Variants in WWOX observed in about 807,000 individuals in gnomAD.
WWOX encodes the protein WW domain-containing oxidoreductase.
In WWOX, 69 loss-of-function variants were observed where a neutral mutation model predicts 46.2. The ratio of observed to expected loss-of-function variants is 1.49; its 90% CI spans 1.23 to 1.82. The LOEUF (loss-of-function observed/expected upper bound fraction) is 1.82. Among genes scored for constraint, WWOX ranks in the 40% most tolerant of loss-of-function variants. WWOX has a pLI of 0.00. For synonymous variants in WWOX, 359 were observed against 202.6 expected, an observed-to-expected ratio of 1.77 and a Z score of -6.56; for missense variants, 919 against 542.6, an observed-to-expected ratio of 1.69 and a Z score of -6.89.
intron 8 of WWOX, among the ~76,000 whole-genome samples, chr16:78,814,662 A>C (rs1436509134): frequency 6.6e-6 from 1 of 152,192 alleles, no homozygotes; most frequent in Admixed American, 6.5e-5. Flanking sequence ...GACCTGGGAG[A>C]AACCAGCGTG....
At chr16:78,613,290 A>C (rs919518178) in intron 8 of WWOX, among the ~76,000 whole-genome samples, 1 of 152,098 alleles carries the variant, frequency 6.6e-6, no homozygotes, top group African/African-American at 2.4e-5. Context: ...TTTCAGAAAC[A>C]TGAGCGTATG....
intron 4 of WWOX, among the ~76,000 whole-genome samples, chr16:78,139,859 A>T (rs2033924436): frequency 6.6e-6 from 1 of 152,204 alleles, no homozygotes; most frequent in African/African-American, 2.4e-5. Flanking sequence ...TCATTACTAG[A>T]GGCAACTAGT....
At chr16:78,698,340 G>T (rs1024227887) in intron 8 of WWOX, among the ~76,000 whole-genome samples, 2 of 152,150 alleles carry the variant, frequency 1.3e-5, no homozygotes, top group African/African-American at 4.8e-5. Flanking sequence ...GATGGTTAAT[G>T]GGATTTTTGG....
chr16:78,659,479 A>T (rs913955571), intron 8 of WWOX, among the ~76,000 whole-genome samples: 3 of 152,106 alleles, frequency 2.0e-5, no homozygotes, highest in African/African-American at 4.8e-5. Flanking sequence ...ATCTAGTTTT[A>T]GCCCTCCAGG....
intron 8 of WWOX, among the ~76,000 whole-genome samples, chr16:78,841,663 A>C (rs987087033): frequency 6.6e-6 from 1 of 152,246 alleles, no homozygotes; most frequent in African/African-American, 2.4e-5. Context: ...TCTTGAATCC[A>C]AACCTATAAG....
chr16:78,671,942 G>A (rs149944182), intron 8 of WWOX, among the ~76,000 whole-genome samples: 1 of 152,066 alleles, frequency 6.6e-6, no homozygotes, highest in African/African-American at 2.4e-5. Context: ...TTAGGATTTG[G>A]CCTTCAACTG....
intron 8 of WWOX, among the ~76,000 whole-genome samples, chr16:79,027,300 A>C (rs1456707134): frequency 6.7e-6 from 1 of 149,410 alleles, no homozygotes; most frequent in Non-Finnish European, 1.5e-5. Context: ...AAAAAGGTAG[A>C]GATGGTGGAG....
At chr16:78,982,696 A>G (rs966223669) in intron 8 of WWOX, among the ~76,000 whole-genome samples, 9 of 152,180 alleles carry the variant, frequency 5.9e-5, no homozygotes, top group African/African-American at 2.2e-4. Flanking sequence ...CTCCTCAAAC[A>G]TGTATGCTTA....
chr16:78,697,737 T>A (rs1270084512), intron 8 of WWOX, among the ~76,000 whole-genome samples: 10 of 152,108 alleles, frequency 6.6e-5, no homozygotes, highest in African/African-American at 1.7e-4. Flanking sequence ...TCATGTTGAG[T>A]AGGTTAGGTG....
chr16:78,509,461 A>C (rs534455696), intron 8 of WWOX, among the ~76,000 whole-genome samples: 1 of 152,022 alleles, frequency 6.6e-6, no homozygotes, highest in Non-Finnish European at 1.5e-5. Context: ...ATAATATAAT[A>C]ATAATAATAA....
At chr16:78,416,352 C>G (rs553763305) in intron 6 of WWOX, among the ~76,000 whole-genome samples, 8 of 152,252 alleles carry the variant, frequency 5.3e-5, no homozygotes, top group Admixed American at 1.3e-4. Context: ...TTGTACAAGC[C>G]AATTAAGTGT....
At chr16:78,418,785 G>C (rs1234906137) in intron 6 of WWOX, among the ~76,000 whole-genome samples, 1 of 152,050 alleles carries the variant, frequency 6.6e-6, no homozygotes, top group Non-Finnish European at 1.5e-5. Flanking sequence ...GAACAAAGTG[G>C]CATTTTCTCA....
rs1040621896 is a variant in WWOX, at chr16:79,006,923, C to G, written c.1057-204685C>G. Among the ~76,000 whole-genome samples the G allele has an allele frequency of 2.6e-5, 4 of 152,310 alleles. No individual in the cohort carries two copies. The East Asian group carries it at 5.8e-4, about 22-fold the overall frequency. On this transcript the variant is annotated intron_variant, in intron 8 of 8. Coordinates refer to ENST00000566780, the MANE Select transcript of WWOX (RefSeq NM_016373.4). ...CACCCACTGGATGACCCAGAATCATCTTCCTCTTTTAAGATCAGCTGATTA... is the reference window on the plus strand; with the variant it reads ...CACCCACTGGATGACCCAGAATCATGTTCCTCTTTTAAGATCAGCTGATTA...
At chr16:78,921,394 G>T (rs558022631) in intron 8 of WWOX, among the ~76,000 whole-genome samples, 1 of 152,332 alleles carries the variant, frequency 6.6e-6, no homozygotes, top group South Asian at 2.1e-4. Context: ...GTCATGGGGA[G>T]TACAGTAAAA....
chr16:79,165,835 C>A (rs991415347), intron 8 of WWOX, among the ~76,000 whole-genome samples: 1 of 152,154 alleles, frequency 6.6e-6, no homozygotes, highest in African/African-American at 2.4e-5. Context: ...CACTCGGTCG[C>A]CGAACCGGGA....
At chr16:78,836,802 G>GC (rs1198941496) in intron 8 of WWOX, among the ~76,000 whole-genome samples, 7 of 152,166 alleles carry the variant, frequency 4.6e-5, no homozygotes, top group Non-Finnish European at 1.0e-4. Flanking sequence ...TACACCAAAA[G>GC]CCCCTGTGGT....
chr16:78,692,482 G>A (rs942260194), intron 8 of WWOX, among the ~76,000 whole-genome samples: 4 of 152,166 alleles, frequency 2.6e-5, no homozygotes, highest in Admixed American at 2.0e-4. Flanking sequence ...GCTCACACCT[G>A]GCTGACATCT....
chr16:79,003,684 G>A (rs576289661), intron 8 of WWOX, among the ~76,000 whole-genome samples: 15 of 152,304 alleles, frequency 9.8e-5, no homozygotes, highest in Non-Finnish European at 1.5e-5. Context: ...GTCTCAGCTC[G>A]TGGCTGCTCC....
chr16:78,480,319 T>C (rs927809121), intron 8 of WWOX, among the ~76,000 whole-genome samples: 2 of 152,178 alleles, frequency 1.3e-5, no homozygotes, highest in Non-Finnish European at 1.5e-5. Flanking sequence ...GTCCCCAAAG[T>C]GTGAAGGATG....
Sources: allele counts gnomAD v4.1 joint callset (sites outside exome capture counted in the v4.1 genomes callset), GRCh38; gene constraint gnomAD v4.1.1; transcripts MANE v1.5; gene names NCBI Gene and HGNC (gene_info 2026-07-23, HGNC 2026-07-21).